The following CTNND2 variants were observed in gnomAD, a reference collection of about 807,000 sequenced individuals.
CTNND2 encodes the protein catenin delta-2.
A neutral mutation model predicts 144.4 loss-of-function variants in CTNND2; 22 were observed. The observed-to-expected ratio is 0.15, with a 90% CI of 0.11 to 0.22. The LOEUF (loss-of-function observed/expected upper bound fraction) is 0.22, where lower values mean the gene tolerates loss of function less well. Among genes scored for constraint, CTNND2 ranks in the 10% least tolerant of loss-of-function variants. The pLI is 1.00. For missense variants in CTNND2, 1,353 were observed against 1,618.8 expected (o/e 0.84, Z 2.82); for synonymous variants, 751 against 695.6 (o/e 1.08, Z -1.25).
chr5:11,860,161 T>A (rs984791254), intron 1 of CTNND2, among the ~76,000 whole-genome samples: 8 of 152,202 alleles, frequency 5.3e-5, no homozygotes, highest in African/African-American at 1.9e-4. Context: ...AGATTGGCCA[T>A]AAAATATTTT....
intron 3 of CTNND2, among the ~76,000 whole-genome samples, chr5:11,506,384 G>C (rs1313070774): frequency 6.6e-6 from 1 of 152,154 alleles, no homozygotes; most frequent in African/African-American, 2.4e-5. Flanking sequence ...TACTTTTTAT[G>C]CCAAAGCTTT....
chr5:11,664,224 T>C (rs1210376251), intron 2 of CTNND2, among the ~76,000 whole-genome samples: 1 of 152,226 alleles, frequency 6.6e-6, no homozygotes, highest in African/African-American at 2.4e-5. Flanking sequence ...GAACATTTTT[T>C]AAAAGTTCAC....
At chr5:11,873,554 T>C (rs13168846) in intron 1 of CTNND2, among the ~76,000 whole-genome samples, 34,970 of 152,158 alleles carry the variant, frequency 0.23, 4,281 homozygotes, top group Non-Finnish European at 0.28. Context: ...TTTATCATAA[T>C]GTTAAAATCA....
In CTNND2 at chr5:11,032,201, T is replaced by C. The variant is rs906647895; in HGVS notation, c.2789-9222A>G. On this transcript the variant is annotated intron_variant, in intron 16 of 21. Coordinates refer to ENST00000304623, the MANE Select transcript of CTNND2 (RefSeq NM_001332.4). ...CCTCTCCCGTCTCTGAATTTACTTT[T>C]CATCAATAATTGATGATATAAAAGT... is the stretch of plus-strand genomic sequence containing the variant. Among the ~76,000 whole-genome samples the C allele has an allele frequency of 4.4e-4, 67 of 152,234 alleles. 1 individual carries two copies. Among genetic ancestry groups the C allele is most frequent in the Admixed American group, 3.6e-3 (55 of 15,280 alleles).
At chr5:11,502,715 T>A (rs1248477814) in intron 3 of CTNND2, among the ~76,000 whole-genome samples, 3 of 152,060 alleles carry the variant, frequency 2.0e-5, no homozygotes, top group Non-Finnish European at 4.4e-5. Flanking sequence ...GTTTTGCACA[T>A]CCCCTTGTCT....
intron 3 of CTNND2, among the ~76,000 whole-genome samples, chr5:11,416,943 A>G (rs1761984115): frequency 6.6e-6 from 1 of 152,200 alleles, no homozygotes; most frequent in African/African-American, 2.4e-5. Flanking sequence ...GACTGTGAGA[A>G]AAACATGTAT....
intron 9 of CTNND2, among the ~76,000 whole-genome samples, chr5:11,249,591 G>A (rs1382287738): frequency 6.6e-6 from 1 of 152,116 alleles, no homozygotes; most frequent in East Asian, 1.9e-4. Context: ...TGTGAGTTGT[G>A]TGGTCATTTT....
chr5:11,580,698 C>T (rs1209645143), intron 2 of CTNND2, among the ~76,000 whole-genome samples: 1 of 152,176 alleles, frequency 6.6e-6, no homozygotes, highest in Non-Finnish European at 1.5e-5. Flanking sequence ...AACCCCAATG[C>T]ATACCATTCC....
At chr5:11,450,293 T>A (rs1260075564) in intron 3 of CTNND2, among the ~76,000 whole-genome samples, 1 of 152,226 alleles carries the variant, frequency 6.6e-6, no homozygotes, top group Non-Finnish European at 1.5e-5. Context: ...AAGCTGTTAT[T>A]CCATATGTCA....
intron 9 of CTNND2, among the ~76,000 whole-genome samples, chr5:11,244,757 ATAAACAT>A (rs1742823368): frequency 6.6e-6 from 1 of 152,210 alleles, no homozygotes; most frequent in Non-Finnish European, 1.5e-5. Context: ...AAACTGTATC[ATAAACAT>A]TAATTCATTC....
At chr5:11,381,452 C>T (rs1258161637) in intron 7 of CTNND2, among the ~76,000 whole-genome samples, 1 of 152,180 alleles carries the variant, frequency 6.6e-6, no homozygotes, top group Non-Finnish European at 1.5e-5. Context: ...TGTGTTTGCT[C>T]TTGTTCTCTC....
intron 3 of CTNND2, among the ~76,000 whole-genome samples, chr5:11,550,022 T>C (rs947817190): frequency 6.6e-6 from 1 of 152,218 alleles, no homozygotes; most frequent in African/African-American, 2.4e-5. Context: ...AAAGATGTTA[T>C]ATATTTCAAT....
chr5:11,813,723 A>C (rs1169408569), intron 1 of CTNND2, among the ~76,000 whole-genome samples: 1 of 152,204 alleles, frequency 6.6e-6, no homozygotes, highest in Non-Finnish European at 1.5e-5. Context: ...TATGTTGCCT[A>C]GGCTGGGCGC....
rs1458473 is a variant in CTNND2, at chr5:11,903,123, C to A, written c.37+694G>T. 0.75 allele frequency: 673,017 copies of A among 896,162 alleles called. 253,273 individuals are homozygous for A. The highest frequency in any genetic ancestry group is 0.82 in the South Asian group (16,073 of 19,616). 55.5% of individuals were successfully genotyped at this position (896,162 alleles called of 1,614,324 possible). ...CTTTCAGCCATTAATTACGGATCAC[C>A]CCAATTTTGCATCGCTCATCTCCCA... On this transcript the variant is annotated intron_variant, in intron 1 of 21. Coordinates refer to ENST00000304623, the MANE Select transcript of CTNND2 (RefSeq NM_001332.4). The surrounding 1 kb of genome is among the most constrained non-coding windows in gnomAD (Gnocchi z 5.4).
chr5:10,981,889 A>ATT, intron 20 of CTNND2, 43 bp from the exon 21 acceptor site: 1 of 1,521,322 alleles, frequency 6.6e-7, no homozygotes, highest in Non-Finnish European at 9.1e-7. Context: ...AGAAAACAAC[A>ATT]TTACAAATAA....
intron 1 of CTNND2, among the ~76,000 whole-genome samples, chr5:11,879,356 T>TAC (rs1553988825): frequency 2.8e-5 from 4 of 141,422 alleles, no homozygotes; most frequent in East Asian, 2.1e-4. Flanking sequence ...TATATATATA[T>TAC]ACATATACAC....
chr5:11,674,037 C>G (rs919163465), intron 2 of CTNND2, among the ~76,000 whole-genome samples: 1 of 152,096 alleles, frequency 6.6e-6, no homozygotes, highest in African/African-American at 2.4e-5. Flanking sequence ...TAAGTTAATA[C>G]CAGAAAAAGT....
At chr5:11,482,636 G>A (rs1581299666) in intron 3 of CTNND2, among the ~76,000 whole-genome samples, 1 of 152,098 alleles carries the variant, frequency 6.6e-6, no homozygotes, top group East Asian at 1.9e-4. Flanking sequence ...AAGGGCATTA[G>A]AGATGGCTGG....
intron 2 of CTNND2, among the ~76,000 whole-genome samples, chr5:11,606,726 G>A (rs1780065814): frequency 6.6e-6 from 1 of 152,034 alleles, no homozygotes; most frequent in Admixed American, 6.6e-5. Context: ...TTAAATATGG[G>A]ACTATATATG....
Sources: gnomAD v4.1 joint callset for allele counts (sites outside exome capture counted in the v4.1 genomes callset) on GRCh38, gnomAD v4.1.1 for gene constraint, Gnocchi (gnomAD v3.1) non-coding constraint, MANE v1.5 for transcripts, NCBI Gene and HGNC (gene_info 2026-07-23, HGNC 2026-07-21) for gene names.